Variants in NUDT9 observed in about 807,000 individuals in gnomAD.
NUDT9 encodes ADP-ribose pyrophosphatase.
Under a neutral mutation model 41.0 loss-of-function variants are expected in NUDT9, and 31 were observed. That is an observed-to-expected ratio of 0.76 (90% CI 0.57 to 1.02). NUDT9 has a LOEUF of 1.02. Among genes scored for constraint, NUDT9 ranks in the 50% least tolerant of loss-of-function variants. NUDT9 has a pLI of 0.00. For synonymous variants in NUDT9, 146 were observed against 147.6 expected (o/e 0.99, Z 0.08); for missense variants, 380 against 431.4 (o/e 0.88, Z 1.06).
chr4:87,424,842 T>G (rs1179232576), intron 1 of NUDT9, among the ~76,000 whole-genome samples: 1 of 152,200 alleles, frequency 6.6e-6, no homozygotes, highest in African/African-American at 2.4e-5. Context: ...TTCTTCGTTT[T>G]TGTAACTCTG....
At chr4:87,443,931 C>T (rs13119333) in intron 4 of NUDT9, among the ~76,000 whole-genome samples, 51,444 of 151,904 alleles carry the variant, frequency 0.34, 9,123 homozygotes, top group East Asian at 0.47. Context: ...CATTCTCTTC[C>T]GAGGCAGACC....
In NUDT9 at chr4:87,458,540, C is replaced by G. The variant is rs979457384; in HGVS notation, c.*519C>G. 1 of 152,076 alleles carries G rather than the reference C, an allele frequency of 6.6e-6. No individual in the cohort carries two copies. The highest frequency in any genetic ancestry group is 2.4e-5 in the African/African-American group (1 of 41,404). 9.4% of individuals were successfully genotyped at this position (152,076 alleles called of 1,614,324 possible). On this transcript the variant is annotated 3_prime_UTR_variant, in exon 8 of 8. Coordinates refer to ENST00000302174, the MANE Select transcript of NUDT9 (RefSeq NM_024047.5). Reference sequence around the variant, plus strand: ...TTTGCTTCACATGATCTTGTTGAAGCTAATTTTGAAAATGGAAACTATGTT... The same window carrying G: ...TTTGCTTCACATGATCTTGTTGAAGGTAATTTTGAAAATGGAAACTATGTT...
chr4:87,444,806 A>C (rs927488950), intron 4 of NUDT9, among the ~76,000 whole-genome samples: 1 of 152,196 alleles, frequency 6.6e-6, no homozygotes, highest in Non-Finnish European at 1.5e-5. Flanking sequence ...CATACAGATA[A>C]GAGAACTGAA....
intron 6 of NUDT9, 93 bp from the exon 7 acceptor site, chr4:87,454,278 A>T: frequency 4.2e-6 from 3 of 708,908 alleles, no homozygotes; most frequent in South Asian, 1.6e-5. Flanking sequence ...GGGCAACAGG[A>T]TATTTACATT....
chr4:87,455,437 TG>T (rs777748925), intron 7 of NUDT9, among the ~76,000 whole-genome samples: 11 of 152,186 alleles, frequency 7.2e-5, no homozygotes, highest in Non-Finnish European at 1.3e-4. Flanking sequence ...TTTAAAGTTT[TG>T]GAGTTAAAAA....
At chr4:87,446,247 C>CTTTTT (rs386400738) in intron 4 of NUDT9, among the ~76,000 whole-genome samples, 1,844 of 124,126 alleles carry the variant, frequency 0.015, 58 homozygotes, top group African/African-American at 0.054. Flanking sequence ...CTTATCTTTC[C>CTTTTT]TTTTTTTTTT....
At chr4:87,434,871 G>A (rs1418810710) in intron 1 of NUDT9, 110 bp from the exon 2 acceptor site, 3 of 883,464 alleles carry the variant, frequency 3.4e-6, no homozygotes, top group East Asian at 2.6e-5. Flanking sequence ...CACCTACCTC[G>A]GCCTCACAAA....
chr4:87,424,991 G>C (rs1239403752), intron 1 of NUDT9, among the ~76,000 whole-genome samples: 2 of 152,188 alleles, frequency 1.3e-5, no homozygotes, highest in East Asian at 3.8e-4. Flanking sequence ...GGAGGTTGCA[G>C]TGAGCTGAGA....
At chr4:87,450,146 T>G (rs1324633747) in intron 5 of NUDT9, among the ~76,000 whole-genome samples, 2 of 152,078 alleles carry the variant, frequency 1.3e-5, no homozygotes, top group Non-Finnish European at 1.5e-5. Context: ...ATTACAGGTG[T>G]GAGCCACCAC....
In NUDT9 at chr4:87,429,271, C is replaced by T. The variant is rs546510129; in HGVS notation, c.108-5710C>T. Among the ~76,000 whole-genome samples, 46 of 152,254 alleles carry T rather than the reference C, an allele frequency of 3.0e-4. 1 individual carries two copies. The South Asian group carries it at 9.1e-3, about 30-fold the overall frequency. ...GACTCAGGAGATCCTCCCACCTCAG[C>T]TTCCTGAGTAGCGGCAACTACAGGC... On this transcript the variant is annotated intron_variant, in intron 1 of 7. Coordinates refer to ENST00000302174, the MANE Select transcript of NUDT9 (RefSeq NM_024047.5).
At chr4:87,424,688 A>G (rs1721326582) in intron 1 of NUDT9, among the ~76,000 whole-genome samples, 1 of 152,168 alleles carries the variant, frequency 6.6e-6, no homozygotes, top group African/African-American at 2.4e-5. Context: ...TTCTCCTGGT[A>G]CGGATTTTAT....
chr4:87,425,380 G>C (rs111417767), intron 1 of NUDT9, among the ~76,000 whole-genome samples: 1 of 146,696 alleles, frequency 6.8e-6, no homozygotes, highest in African/African-American at 2.5e-5. Context: ...CGTGTCCCTA[G>C]TGTTCTTTTC....
chr4:87,445,294 T>G (rs1722395005), intron 4 of NUDT9: 1 of 152,236 alleles, frequency 6.6e-6, no homozygotes, highest in Admixed American at 6.5e-5. Flanking sequence ...GAGTCTTTAC[T>G]ATACTGTACT....
At position 87,438,376 on chromosome 4, in the gene NUDT9, G is replaced by A; in HGVS notation, c.443+4G>A. 2 of 1,524,344 alleles carry A rather than the reference G, an allele frequency of 1.3e-6. No individual in the cohort carries two copies. Among genetic ancestry groups the A allele is most frequent in the Non-Finnish European group, 9.1e-7 (1 of 1,099,190 alleles). 94.4% of individuals were successfully genotyped at this position (1,524,344 alleles called of 1,614,324 possible). A position where few individuals can be genotyped will look rare whatever the true frequency, so the allele number is the denominator to read the frequency against. On this transcript the variant is annotated splice_donor_region_variant and intron_variant, in intron 3 of 7. Transcript: ENST00000302174. ...AGATTGAAAATGGAAGACCGAGGTAGGTACTGGGAGCAGAGCATCTTACAA... is the reference window on the plus strand; with the variant it reads ...AGATTGAAAATGGAAGACCGAGGTAAGTACTGGGAGCAGAGCATCTTACAA...
chr4:87,454,594 C>T (rs1722906166), intron 7 of NUDT9, 139 bp downstream of exon 7: 2 of 564,170 alleles, frequency 3.5e-6, no homozygotes, highest in Non-Finnish European at 6.4e-6. Context: ...TATATGAAAG[C>T]AAAATTGTTG....
At chr4:87,446,481 C>T (rs771997103) in intron 4 of NUDT9, among the ~76,000 whole-genome samples, 24 of 152,094 alleles carry the variant, frequency 1.6e-4, no homozygotes, top group Non-Finnish European at 2.1e-4. Flanking sequence ...GATCTGCCTG[C>T]CTCGGCCTCT....
At position 87,457,846 on chromosome 4, in the gene NUDT9, A is replaced by T; in HGVS notation, c.878A>T (p.Glu293Val). ...ATGGTTTTTCTTTGGCAACCAGGTGAGATAATGGATAATCTTATGCTAGAA... is the reference window on the plus strand; with the variant it reads ...ATGGTTTTTCTTTGGCAACCAGGTGTGATAATGGATAATCTTATGCTAGAA... ...EAVNYHDETGEIMDNLMLEAG... is the reference protein window; with the variant it reads ...EAVNYHDETGVIMDNLMLEAG... Residue 293 changes from glutamate to valine, a missense_variant, in exon 8 of 8, where the codon GAG becomes GTG. Physicochemically the swap from Glu to Val is moderately radical, Grantham distance 121. Coordinates refer to ENST00000302174, the MANE Select transcript of NUDT9 (RefSeq NM_024047.5). 6.2e-7 allele frequency: 1 copy of T among 1,609,928 alleles called. No homozygotes were observed. Among genetic ancestry groups the T allele is most frequent in the Non-Finnish European group, 8.5e-7 (1 of 1,178,604 alleles).
chr4:87,424,995 G>A (rs929941021), intron 1 of NUDT9, among the ~76,000 whole-genome samples: 15 of 152,192 alleles, frequency 9.9e-5, no homozygotes, highest in African/African-American at 3.4e-4. Flanking sequence ...GTTGCAGTGA[G>A]CTGAGATCAT....
chr4:87,437,878 T>C (rs1242061755), intron 2 of NUDT9, among the ~76,000 whole-genome samples: 3 of 152,168 alleles, frequency 2.0e-5, no homozygotes, highest in East Asian at 3.9e-4. Flanking sequence ...TATTTTGAAA[T>C]AGTAGAAACA....
Sources: gnomAD v4.1 joint callset for allele counts (sites outside exome capture counted in the v4.1 genomes callset) on GRCh38, gnomAD v4.1.1 for gene constraint, MANE v1.5 for transcripts, NCBI Gene and HGNC (gene_info 2026-07-23, HGNC 2026-07-21) for gene names.